SPMAP2L: variants seen among roughly 807,000 people sequenced by gnomAD.
The protein encoded by SPMAP2L is sperm microtubule associated protein 2-like.
the SPMAP2L span, among the ~76,000 whole-genome samples, chr4:56,583,483 C>G: frequency 6.6e-6 from 1 of 151,562 alleles, no homozygotes; most frequent in Admixed American, 6.6e-5. Flanking sequence ...TGTATCTCAG[C>G]AAAAAAACAA....
the SPMAP2L span, among the ~76,000 whole-genome samples, chr4:56,567,750 TTGAC>T: frequency 1.3e-5 from 2 of 152,154 alleles, no homozygotes; most frequent in Non-Finnish European, 2.9e-5. Context: ...TGATGAGACT[TTGAC>T]TGTTATTTTG....
chr4:56,625,472 C>T, the SPMAP2L span, among the ~76,000 whole-genome samples: 1 of 152,058 alleles, frequency 6.6e-6, no homozygotes, highest in Non-Finnish European at 1.5e-5. Flanking sequence ...TGGCTATGTT[C>T]CCACCCAAAT....
the SPMAP2L span, among the ~76,000 whole-genome samples, chr4:56,567,442 GTTTTTTTTTTT>G: frequency 1.5e-4 from 10 of 65,580 alleles, no homozygotes; most frequent in African/African-American, 4.9e-4. Flanking sequence ...AATTTTGGTG[GTTTTTTTTTTT>G]TTTTTTTTTT....
At chr4:56,569,392 A>C in the SPMAP2L span, among the ~76,000 whole-genome samples, 878 of 152,292 alleles carry the variant, frequency 5.8e-3, 16 homozygotes, top group South Asian at 0.065. Flanking sequence ...CATTTCCTTA[A>C]TAATTTTTGA....
At chr4:56,533,577 C>A in the SPMAP2L span, among the ~76,000 whole-genome samples, 704 of 152,210 alleles carry the variant, frequency 4.6e-3, 5 homozygotes, top group African/African-American at 0.016. Flanking sequence ...TCTTTAAGCT[C>A]TTTGCTCCTA....
chr4:56,595,607 G>T, the SPMAP2L span: 1 of 1,291,188 alleles, frequency 7.7e-7, no homozygotes, highest in Middle Eastern at 1.9e-4. Flanking sequence ...ACAAATTCTG[G>T]CCAGTGATTG....
chr4:56,553,037 C>G, the SPMAP2L span, among the ~76,000 whole-genome samples: 1 of 152,220 alleles, frequency 6.6e-6, no homozygotes, highest in East Asian at 1.9e-4. Context: ...ATCCTGATAC[C>G]TCTAAGCCTC....
the SPMAP2L span, among the ~76,000 whole-genome samples, chr4:56,564,980 G>C: frequency 6.6e-6 from 1 of 152,144 alleles, no homozygotes; most frequent in Non-Finnish European, 1.5e-5. Context: ...TTTTCCAGAT[G>C]TCTTCCTATT....
the SPMAP2L span, among the ~76,000 whole-genome samples, chr4:56,618,338 A>G: frequency 1.3e-5 from 2 of 152,214 alleles, no homozygotes; most frequent in African/African-American, 4.8e-5. Context: ...AGCAGGCAGA[A>G]CCAGCACAAA....
At chr4:56,544,462 ATTTTT>A in the SPMAP2L span, among the ~76,000 whole-genome samples, 1 of 151,938 alleles carries the variant, frequency 6.6e-6, no homozygotes, top group Non-Finnish European at 1.5e-5. Context: ...ACTGGAAACT[ATTTTT>A]TTTAACTTAG....
chr4:56,566,806 C>T, the SPMAP2L span, among the ~76,000 whole-genome samples: 1 of 147,826 alleles, frequency 6.8e-6, no homozygotes, highest in African/African-American at 2.5e-5. Context: ...AAGCGATTCT[C>T]CTGCCCCAGC....
chr4:56,544,430 ACT>A, the SPMAP2L span, among the ~76,000 whole-genome samples: 5 of 152,104 alleles, frequency 3.3e-5, no homozygotes, highest in African/African-American at 1.2e-4. Context: ...CATGCCTCAT[ACT>A]CAGTCATTTA....
the SPMAP2L span, among the ~76,000 whole-genome samples, chr4:56,606,976 G>C: frequency 0.043 from 6,574 of 152,180 alleles, 336 homozygotes; most frequent in African/African-American, 0.12. Flanking sequence ...AGGCTCAAGA[G>C]CGATTTGAGA....
the SPMAP2L span, among the ~76,000 whole-genome samples, chr4:56,533,535 A>G: frequency 6.6e-6 from 1 of 152,052 alleles, no homozygotes; most frequent in Non-Finnish European, 1.5e-5. Flanking sequence ...CTTTCCCTCA[A>G]TCTATATGTT....
chr4:56,538,384 A>G, the SPMAP2L span, among the ~76,000 whole-genome samples: 1 of 152,230 alleles, frequency 6.6e-6, no homozygotes, highest in East Asian at 1.9e-4. Flanking sequence ...ACTGGGTCTC[A>G]GCCTGTTTTT....
the SPMAP2L span, among the ~76,000 whole-genome samples, chr4:56,542,442 T>C: frequency 6.6e-6 from 1 of 151,464 alleles, no homozygotes; most frequent in African/African-American, 2.4e-5. Context: ...TGTTTTTCTT[T>C]TGTTAATTTA....
the SPMAP2L span, among the ~76,000 whole-genome samples, chr4:56,560,211 T>C: frequency 6.6e-6 from 1 of 152,188 alleles, no homozygotes; most frequent in African/African-American, 2.4e-5. Flanking sequence ...AAAGACACTG[T>C]AGAAGTTCAA....
At chr4:56,566,946 T>G in the SPMAP2L span, among the ~76,000 whole-genome samples, 11 of 151,922 alleles carry the variant, frequency 7.2e-5, no homozygotes, top group Non-Finnish European at 1.5e-5. Context: ...CCGCCCACCT[T>G]GGCCTCCCAA....
the SPMAP2L span, among the ~76,000 whole-genome samples, chr4:56,561,677 C>T: frequency 9.2e-5 from 14 of 152,068 alleles, no homozygotes; most frequent in Non-Finnish European, 1.9e-4. Flanking sequence ...GACCCAACAC[C>T]TCCCATTAGG....
Sources: allele counts gnomAD v4.1 joint callset (sites outside exome capture counted in the v4.1 genomes callset), GRCh38; gene constraint gnomAD v4.1.1; transcripts MANE v1.5; gene names NCBI Gene and HGNC (gene_info 2026-07-23, HGNC 2026-07-21).